Variants in DCC observed in about 807,000 individuals in gnomAD.
DCC encodes the protein DCC netrin 1 receptor.
In DCC, 58 loss-of-function variants were observed where a neutral mutation model predicts 172.5. That is an observed-to-expected ratio of 0.34 (90% CI 0.27 to 0.42). The LOEUF is 0.42. DCC is among the 10% of genes least tolerant of loss of function. DCC has a pLI of 1.00. For synonymous variants in DCC, 709 were observed against 644.5 expected (o/e 1.10, Z -1.52); for missense variants, 1,740 against 1,791.0 (o/e 0.97, Z 0.51).
At chr18:53,387,667 T>C (rs968049299) in intron 16 of DCC, among the ~76,000 whole-genome samples, 7 of 152,208 alleles carry the variant, frequency 4.6e-5, no homozygotes, top group African/African-American at 1.4e-4. Flanking sequence ...GCAACAAGAT[T>C]CTTTGTGAGC....
At chr18:53,247,487 G>A (rs564841468) in intron 12 of DCC, among the ~76,000 whole-genome samples, 75 of 151,972 alleles carry the variant, frequency 4.9e-4, no homozygotes, top group African/African-American at 7.5e-4. Context: ...TTACTCTTAC[G>A]AATAGGAAAG....
At chr18:52,629,380 A>C (rs1481948887) in intron 1 of DCC, among the ~76,000 whole-genome samples, 1 of 152,196 alleles carries the variant, frequency 6.6e-6, no homozygotes, top group Non-Finnish European at 1.5e-5. Flanking sequence ...CTGAGAAAAC[A>C]ATGACTAGAT....
intron 9 of DCC, among the ~76,000 whole-genome samples, chr18:53,200,836 C>G (rs894324760): frequency 6.6e-6 from 1 of 152,084 alleles, no homozygotes; most frequent in African/African-American, 2.4e-5. Context: ...TCTCAGATTG[C>G]TCTTCCATAT....
intron 1 of DCC, among the ~76,000 whole-genome samples, chr18:52,520,406 T>C (rs995304046): frequency 6.6e-6 from 1 of 152,198 alleles, no homozygotes; most frequent in Non-Finnish European, 1.5e-5. Flanking sequence ...TCCCATCCTC[T>C]CAACAGAGGC....
chr18:53,078,509 G>C (rs1386591091), intron 7 of DCC, among the ~76,000 whole-genome samples: 1 of 151,910 alleles, frequency 6.6e-6, no homozygotes, highest in Non-Finnish European at 1.5e-5. Flanking sequence ...CACACAGAAT[G>C]ACAAAGCTTC....
chr18:53,507,270 T>C (rs759016219), intron 27 of DCC, among the ~76,000 whole-genome samples: 43 of 152,208 alleles, frequency 2.8e-4, no homozygotes, highest in Non-Finnish European at 5.7e-4. Flanking sequence ...CACATAAACC[T>C]CTGTGCTAAT....
Sources: allele counts gnomAD v4.1 joint callset (sites outside exome capture counted in the v4.1 genomes callset), GRCh38; gene constraint gnomAD v4.1.1; transcripts MANE v1.5; gene names NCBI Gene and HGNC (gene_info 2026-07-23, HGNC 2026-07-21).